The following MGRN1 variants were observed in gnomAD, a reference collection of about 807,000 sequenced individuals.
MGRN1 encodes the protein E3 ubiquitin-protein ligase MGRN1.
In MGRN1, 29 loss-of-function variants were observed where a neutral mutation model predicts 69.2. That is an observed-to-expected ratio of 0.42 (90% CI 0.31 to 0.57). The LOEUF (loss-of-function observed/expected upper bound fraction) is 0.57. MGRN1 is among the 20% of genes least tolerant of loss of function. The probability of loss-of-function intolerance (pLI) is 0.15; values close to 1 mark genes in which losing one functional copy is unlikely to be tolerated. For missense variants in MGRN1, 998 were observed against 796.2 expected, an observed-to-expected ratio of 1.25 and a Z score of -3.05; for synonymous variants, 470 against 344.2, an observed-to-expected ratio of 1.37 and a Z score of -4.04.
rs371599044 is a variant in MGRN1 at position 4,680,116 on chromosome 16, G to A, written c.1131+19G>A. On this transcript the variant is annotated intron_variant, in intron 12 of 16. Coordinates refer to ENST00000262370, the MANE Select transcript of MGRN1 (RefSeq NM_015246.4). ...GGAAACAGTAAGTGTCTGGTCCTCC[G>A]GCTACGTTTTTTTGCCCCCGCCCTC... 88 of 1,612,550 alleles carry A rather than the reference G, an allele frequency of 5.5e-5. No homozygotes were observed. Among genetic ancestry groups the A allele is most frequent in the Non-Finnish European group, 6.7e-5 (79 of 1,179,112 alleles).
At chr16:4,642,812 G>T (rs2078191732) in intron 1 of MGRN1, among the ~76,000 whole-genome samples, 2 of 151,276 alleles carry the variant, frequency 1.3e-5, no homozygotes, top group African/African-American at 4.9e-5. Flanking sequence ...TTTGTTAAAG[G>T]GTCTGGCTCT....
At chr16:4,633,953 G>A (rs895506457) in intron 1 of MGRN1, 28 of 152,120 alleles carry the variant, frequency 1.8e-4, no homozygotes, top group African/African-American at 6.3e-4. Flanking sequence ...TCCTGACCTC[G>A]TGATAAAAAT....
intron 16 of MGRN1, among the ~76,000 whole-genome samples, chr16:4,684,232 T>C (rs1392055296): frequency 3.9e-5 from 6 of 152,202 alleles, no homozygotes; most frequent in Non-Finnish European, 8.8e-5. Flanking sequence ...AGGCTGCCTG[T>C]GAGAGGATGG....
chr16:4,659,117 G>A (rs1397194938), intron 5 of MGRN1: 1 of 152,062 alleles, frequency 6.6e-6, no homozygotes, highest in Admixed American at 6.5e-5. Flanking sequence ...AGCCACTGCA[G>A]TCCAGTCTGA....
intron 1 of MGRN1, among the ~76,000 whole-genome samples, chr16:4,628,793 C>T (rs1897834322): frequency 6.6e-6 from 1 of 151,918 alleles, no homozygotes; most frequent in African/African-American, 2.4e-5. Flanking sequence ...GATCTGCCTG[C>T]CTTGGCCTCC....
chr16:4,686,419 G>T, intron 16 of MGRN1: 1 of 1,451,972 alleles, frequency 6.9e-7, no homozygotes. Flanking sequence ...GTCCGCATCC[G>T]CATCTTCCCA....
At chr16:4,652,095 G>T (rs200810817) in intron 3 of MGRN1, 44 bp downstream of exon 3, 59 of 1,572,334 alleles carry the variant, frequency 3.8e-5, no homozygotes, top group Non-Finnish European at 4.5e-5. Flanking sequence ...TCTGTGGGGC[G>T]CAGCCTGTGG....
chr16:4,680,485 CGAGCTCCTTGGGCT>C (rs2079156322), intron 12 of MGRN1: 1 of 208,622 alleles, frequency 4.8e-6, no homozygotes, highest in Non-Finnish European at 9.9e-6. Context: ...CCTGCGGGTT[CGAGCTCCTTGGGCT>C]GAGCTTTTTG....
At chr16:4,679,580 C>T (rs983593795) in intron 11 of MGRN1, among the ~76,000 whole-genome samples, 1 of 152,206 alleles carries the variant, frequency 6.6e-6, no homozygotes, top group Non-Finnish European at 1.5e-5. Context: ...ACTCTTCTCC[C>T]CAGCCCTCTT....
At chr16:4,644,387 G>C (rs9938642) in intron 1 of MGRN1, among the ~76,000 whole-genome samples, 18,531 of 146,486 alleles carry the variant, frequency 0.13, 2,770 homozygotes, top group African/African-American at 0.37. Flanking sequence ...CTCAGCTCAC[G>C]GCAACCTCTG....
chr16:4,687,218 A>G (rs997568873), intron 16 of MGRN1: 17 of 984,716 alleles, frequency 1.7e-5, no homozygotes, highest in Non-Finnish European at 1.8e-5. Context: ...CCCCCCCAAG[A>G]GGCGCCCTCT....
intron 8 of MGRN1, among the ~76,000 whole-genome samples, chr16:4,669,980 G>A (rs1659495): frequency 0.36 from 54,624 of 151,696 alleles, 11,398 homozygotes; most frequent in East Asian, 0.64. Flanking sequence ...CTGTTGGGGC[G>A]CATAAGACCT....
At chr16:4,682,128 G>T (rs541846598) in intron 13 of MGRN1, among the ~76,000 whole-genome samples, 1 of 152,198 alleles carries the variant, frequency 6.6e-6, no homozygotes, top group African/African-American at 2.4e-5. Context: ...TCATTGGGGG[G>T]CTGGCCACGT....
chr16:4,640,491 G>A (rs572594324), intron 1 of MGRN1: 4 of 152,364 alleles, frequency 2.6e-5, no homozygotes, highest in South Asian at 2.1e-4. Context: ...CGAATCCCTC[G>A]GGCAGGGAGG....
At chr16:4,633,164 G>T (rs894489767) in intron 1 of MGRN1, among the ~76,000 whole-genome samples, 1 of 151,928 alleles carries the variant, frequency 6.6e-6, no homozygotes, top group Non-Finnish European at 1.5e-5. Flanking sequence ...GAGGCGGGTG[G>T]ACCATTTGAG....
In MGRN1 at chr16:4,663,365, G is replaced by GTTTTTT. The variant is rs1183914569; in HGVS notation, c.562-1323_562-1318dup. Among the ~76,000 whole-genome samples the GTTTTTT allele has an allele frequency of 4.9e-3, 301 of 61,828 alleles. 36 individuals are homozygous for GTTTTTT. The highest frequency in any genetic ancestry group is 0.016 in the African/African-American group (286 of 17,348). 40.6% of individuals were successfully genotyped at this position (61,828 alleles called of 152,430 possible). A position where few individuals can be genotyped will look rare whatever the true frequency, so the allele number is the denominator to read the frequency against. On this transcript the variant is annotated intron_variant, in intron 5 of 16. Coordinates refer to ENST00000262370, the MANE Select transcript of MGRN1 (RefSeq NM_015246.4). Reference sequence around the variant, plus strand: ...GGCGGGAGCCACGGCACCTGGCCTTGTTTTTTTTTTTTTTTTTTTTTTTTT... The same window carrying GTTTTTT: ...GGCGGGAGCCACGGCACCTGGCCTTGTTTTTTTTTTTTTTTTTTTTTTTTTTTTTTT...
In MGRN1 at chr16:4,624,840, C is replaced by G. The variant is rs943308466; in HGVS notation, c.-121C>G. On this transcript the variant is annotated 5_prime_UTR_variant, in exon 1 of 17. Coordinates refer to ENST00000262370, the MANE Select transcript of MGRN1 (RefSeq NM_015246.4). The stretch of plus-strand genomic sequence containing the variant: ...GAGCCGGGGGTGGGGGCTCGAGGCG[C>G]CTCCGCGGCCGTGGACGAGCGTCCG... 1.3e-6 allele frequency: 1 copy of G among 767,460 alleles called. No individual in the cohort carries two copies. Among genetic ancestry groups the G allele is most frequent in the Non-Finnish European group, 1.8e-6 (1 of 546,534 alleles). The allele number at this position is 767,460 out of a possible 1,614,324, so 47.5% of individuals were successfully genotyped here. A position where few individuals can be genotyped will look rare whatever the true frequency, so the allele number is the denominator to read the frequency against.
chr16:4,662,264 C>T (rs944697487), intron 5 of MGRN1, among the ~76,000 whole-genome samples: 2 of 152,080 alleles, frequency 1.3e-5, no homozygotes, highest in African/African-American at 4.8e-5. Flanking sequence ...CCTGTAATCC[C>T]AGCATTTTTG....
intron 9 of MGRN1, 35 bp downstream of exon 9, chr16:4,671,494 C>A: frequency 1.3e-6 from 2 of 1,599,938 alleles, no homozygotes; most frequent in Non-Finnish European, 1.7e-6. Flanking sequence ...TCTGCCATTA[C>A]AGAAGCCCAC....
Sources: gnomAD v4.1 joint callset for allele counts (sites outside exome capture counted in the v4.1 genomes callset) on GRCh38, gnomAD v4.1.1 for gene constraint, MANE v1.5 for transcripts, NCBI Gene and HGNC (gene_info 2026-07-23, HGNC 2026-07-21) for gene names.